Variants in KIAA0586 observed in about 807,000 individuals in gnomAD.
KIAA0586 encodes the protein protein TALPID3.
A neutral mutation model predicts 169.8 loss-of-function variants in KIAA0586; 144 were observed. The ratio of observed to expected loss-of-function variants is 0.85; its 90% CI spans 0.74 to 0.97. The LOEUF is 0.97. Among genes scored for constraint, KIAA0586 ranks in the 50% least tolerant of loss-of-function variants. KIAA0586 has a pLI of 0.00. For missense variants in KIAA0586, 1,854 were observed against 1,823.0 expected (o/e 1.02, Z -0.31); for synonymous variants, 625 against 612.4 (o/e 1.02, Z -0.30).
intron 30 of KIAA0586, chr14:58,544,062 C>G: frequency 2.9e-6 from 1 of 350,696 alleles, no homozygotes; most frequent in South Asian, 2.3e-5. Context: ...TTGTTTCCTT[C>G]TTTGTGTTCA....
rs1211105062 is a variant in KIAA0586, at chr14:58,457,949, A to G, written c.1553A>G (p.Tyr518Cys). The G allele has an allele frequency of 1.3e-6, 2 of 1,598,820 alleles. No individual in the cohort carries two copies. Among genetic ancestry groups the G allele is most frequent in the Admixed American group, 1.7e-5 (1 of 57,768 alleles). Residue 518 changes from tyrosine to cysteine, a missense_variant, in exon 11 of 31, where the codon TAT becomes TGT. Physicochemically the swap from Tyr to Cys is radical, Grantham distance 194. Transcript: ENST00000652326. ...CGTGCAAAAGATGGAGCTGCCATGT[A>G]TTCGCTTATCAATGCTTTATCTACC... is the stretch of plus-strand genomic sequence containing the variant. ...IIRAKDGAAMYSLINALSTNR... is the reference protein window; with the variant it reads ...IIRAKDGAAMCSLINALSTNR...
rs376906964 is a variant in KIAA0586 at position 58,467,198 on chromosome 14, C to A, written c.2255-537C>A. 4.1e-4 allele frequency among the ~76,000 whole-genome samples: 62 copies of A among 152,282 alleles called. 1 individual carries two copies. The South Asian group carries it at 0.013, about 32-fold the overall frequency. Reference sequence around the variant, plus strand: ...TTCTTACTGTGTGCCCGGTACAGTTCTGAGCACTTTACATATATTCTCTCA... The same window carrying A: ...TTCTTACTGTGTGCCCGGTACAGTTATGAGCACTTTACATATATTCTCTCA... On this transcript the variant is annotated intron_variant, in intron 15 of 30. Coordinates refer to ENST00000652326, the MANE Select transcript of KIAA0586 (RefSeq NM_001329943.3).
At chr14:58,493,812 A>C (rs1218899695) in intron 26 of KIAA0586, among the ~76,000 whole-genome samples, 1 of 152,088 alleles carries the variant, frequency 6.6e-6, no homozygotes. Context: ...TATCGAAACC[A>C]TTAAGCTGAG....
chr14:58,523,861 G>A (rs2045392227), intron 29 of KIAA0586, among the ~76,000 whole-genome samples: 2 of 151,966 alleles, frequency 1.3e-5, no homozygotes, highest in South Asian at 4.2e-4. Context: ...ACCACTCCTG[G>A]CCTCAGTATT....
In KIAA0586 at chr14:58,487,914, T is replaced by G; in HGVS notation, c.3332T>G (p.Val1111Gly). The G allele has an allele frequency of 6.2e-7, 1 of 1,613,538 alleles. No homozygotes were observed. Among genetic ancestry groups the G allele is most frequent in the Non-Finnish European group, 8.5e-7 (1 of 1,179,730 alleles). ...KGDDMPAIML[V>G]NTPTVTPTTT... The stretch of plus-strand genomic sequence containing the variant: ...GATGATATGCCTGCCATCATGCTTG[T>G]TAATACTCCAACAGTTACCCCTACT... The change falls in exon 23 of 31, where the codon GTT becomes GGT. Residue 1111 changes from valine to glycine, a missense_variant. Transcript: ENST00000652326.
intron 6 of KIAA0586, among the ~76,000 whole-genome samples, chr14:58,444,832 C>T (rs1457314489): frequency 1.4e-5 from 2 of 145,290 alleles, no homozygotes; most frequent in Non-Finnish European, 3.0e-5. Context: ...AATATTTGTG[C>T]TTGGCAGGCC....
intron 26 of KIAA0586, among the ~76,000 whole-genome samples, chr14:58,494,962 C>T (rs1190551495): frequency 4.6e-5 from 7 of 152,176 alleles, no homozygotes; most frequent in Admixed American, 2.6e-4. Flanking sequence ...ATTCATTCCT[C>T]TCACAAAGCC....
intron 27 of KIAA0586, among the ~76,000 whole-genome samples, chr14:58,502,231 G>A (rs950372897): frequency 6.6e-5 from 10 of 152,072 alleles, no homozygotes; most frequent in African/African-American, 2.4e-4. Context: ...TGCCTCCTGG[G>A]TTCAAGTGAT....
At chr14:58,435,029 T>A (rs949362468) in intron 4 of KIAA0586, among the ~76,000 whole-genome samples, 2 of 152,046 alleles carry the variant, frequency 1.3e-5, no homozygotes, top group Non-Finnish European at 2.9e-5. Flanking sequence ...GCACAAGAAG[T>A]CCTCCCGTCT....
chr14:58,499,474 G>A (rs947177972), intron 27 of KIAA0586, among the ~76,000 whole-genome samples: 3 of 151,896 alleles, frequency 2.0e-5, no homozygotes, highest in Non-Finnish European at 4.4e-5. Context: ...GGATGGTCTC[G>A]ATCTCCTGAC....
chr14:58,529,259 C>T (rs2045800330), intron 29 of KIAA0586, among the ~76,000 whole-genome samples: 1 of 152,110 alleles, frequency 6.6e-6, no homozygotes, highest in East Asian at 1.9e-4. Flanking sequence ...AATTCACAGG[C>T]GAATTCTACC....
At chr14:58,519,525 T>C (rs2045033138) in intron 29 of KIAA0586, among the ~76,000 whole-genome samples, 1 of 152,236 alleles carries the variant, frequency 6.6e-6, no homozygotes, top group African/African-American at 2.4e-5. Context: ...TCGACTTGAT[T>C]GCAAAGCTGA....
intron 18 of KIAA0586, among the ~76,000 whole-genome samples, chr14:58,473,678 G>A (rs1382463747): frequency 6.6e-6 from 1 of 152,174 alleles, no homozygotes; most frequent in African/African-American, 2.4e-5. Flanking sequence ...GGCTGAGGCA[G>A]GTGGATTACC....
intron 9 of KIAA0586, 150 bp downstream of exon 9, chr14:58,453,623 C>T: frequency 1.8e-6 from 1 of 545,610 alleles, no homozygotes; most frequent in Non-Finnish European, 3.1e-6. Flanking sequence ...TATATCTTCC[C>T]CCTTTCTATA....
At position 58,448,262 on chromosome 14, in the gene KIAA0586, C is replaced by T. The variant is rs537071222; in HGVS notation, c.808-78C>T. On this transcript the variant is annotated intron_variant, in intron 6 of 30. Coordinates refer to ENST00000652326, the MANE Select transcript of KIAA0586 (RefSeq NM_001329943.3). ...ATGCAGTAAATTATGTTTAACTCCTCTAATATTTCAATGTATTTTATCATC... is the reference window on the plus strand; with the variant it reads ...ATGCAGTAAATTATGTTTAACTCCTTTAATATTTCAATGTATTTTATCATC... 2.5e-4 allele frequency: 228 copies of T among 925,112 alleles called. 2 individuals carry two copies. The South Asian group carries it at 3.9e-3, about 16-fold the overall frequency. 57.3% of individuals were successfully genotyped at this position (925,112 alleles called of 1,614,324 possible).
chr14:58,555,570 A>G (rs1435943361), downstream of KIAA0586, among the ~76,000 whole-genome samples: 1 of 152,208 alleles, frequency 6.6e-6, no homozygotes, highest in Non-Finnish European at 1.5e-5. Flanking sequence ...TAACTGGGTT[A>G]TGTTAGTTAT....
chr14:58,507,686 A>G (rs546012590), intron 27 of KIAA0586, among the ~76,000 whole-genome samples: 1 of 152,170 alleles, frequency 6.6e-6, no homozygotes, highest in Non-Finnish European at 1.5e-5. Flanking sequence ...TGCTTGGAGT[A>G]TATAGTGCAA....
chr14:58,518,816 C>T (rs895965893), intron 29 of KIAA0586, among the ~76,000 whole-genome samples: 9 of 152,186 alleles, frequency 5.9e-5, no homozygotes, highest in Non-Finnish European at 1.0e-4. Flanking sequence ...TCTTTTCTGC[C>T]TTGAACATAA....
At chr14:58,432,816 C>T (rs888582681) in intron 4 of KIAA0586, among the ~76,000 whole-genome samples, 3 of 152,200 alleles carry the variant, frequency 2.0e-5, no homozygotes, top group Admixed American at 6.5e-5. Context: ...CTCCCAGGTT[C>T]AAGCAATCTC....
Sources: gnomAD v4.1 joint callset for allele counts (sites outside exome capture counted in the v4.1 genomes callset) on GRCh38, gnomAD v4.1.1 for gene constraint, MANE v1.5 for transcripts, NCBI Gene and HGNC (gene_info 2026-07-23, HGNC 2026-07-21) for gene names.